Variants in AK8 observed in about 807,000 individuals in gnomAD.
AK8 encodes the protein ATP-AMP transphosphorylase 8.
A neutral mutation model predicts 54.6 loss-of-function variants in AK8; 44 were observed. The ratio of observed to expected loss-of-function variants is 0.81; its 90% CI spans 0.63 to 1.04. AK8 has a LOEUF of 1.04. Ranked by LOEUF, AK8 falls within the 50% of genes least tolerant of loss-of-function variation. AK8 has a pLI of 0.00. For missense variants in AK8, 555 were observed against 613.6 expected (o/e 0.90, Z 1.01); for synonymous variants, 239 against 245.6 (o/e 0.97, Z 0.25).
At chr9:132,865,412 C>T (rs1007335474) in intron 3 of AK8, among the ~76,000 whole-genome samples, 3 of 152,212 alleles carry the variant, frequency 2.0e-5, no homozygotes, top group African/African-American at 7.2e-5. Flanking sequence ...TACATGCTCA[C>T]AGCAATGATG....
intron 4 of AK8, among the ~76,000 whole-genome samples, chr9:132,863,176 G>T (rs1344686293): frequency 6.6e-6 from 1 of 152,272 alleles, no homozygotes; most frequent in Admixed American, 6.5e-5. Flanking sequence ...CAGAGGGTGG[G>T]CTGTGCAGCA....
chr9:132,778,005 G>A (rs1839301575), intron 11 of AK8, among the ~76,000 whole-genome samples: 1 of 152,226 alleles, frequency 6.6e-6, no homozygotes. Context: ...AGCGCAGCAG[G>A]CCTTTGCTGC....
chr9:132,806,464 C>G lies in AK8; in HGVS notation c.979+8174G>C, dbSNP rs149136504. On this transcript the variant is annotated intron_variant, in intron 10 of 12. Coordinates refer to ENST00000298545, the MANE Select transcript of AK8 (RefSeq NM_152572.3). Reference sequence around the variant, plus strand: ...GCTGTCTTCAGCGAGTACAAACACACCGCATGCAAAGGCTTGCTGGAAACG... The same window carrying G: ...GCTGTCTTCAGCGAGTACAAACACAGCGCATGCAAAGGCTTGCTGGAAACG... 2.6e-5 allele frequency among the ~76,000 whole-genome samples: 4 copies of G among 152,290 alleles called. No homozygotes were observed. In the East Asian group the frequency reaches 5.8e-4, roughly 22 times the overall value.
At chr9:132,853,611 T>C (rs1188234407) in intron 5 of AK8, among the ~76,000 whole-genome samples, 4 of 150,234 alleles carry the variant, frequency 2.7e-5, no homozygotes, top group Non-Finnish European at 4.4e-5. Flanking sequence ...GCCTGAGAAA[T>C]AGAGGGAGAT....
At chr9:132,757,240 G>A (rs1182401443) in intron 11 of AK8, among the ~76,000 whole-genome samples, 3 of 152,166 alleles carry the variant, frequency 2.0e-5, no homozygotes, top group East Asian at 3.9e-4. Flanking sequence ...ACAGCTCACC[G>A]GGATGGTCAG....
At chr9:132,729,885 A>C (rs1836754616) in intron 11 of AK8, among the ~76,000 whole-genome samples, 1 of 152,232 alleles carries the variant, frequency 6.6e-6, no homozygotes, top group African/African-American at 2.4e-5. Flanking sequence ...CTACGTGCGG[A>C]GAAAACACAC....
At chr9:132,778,908 TC>T (rs1289692090) in intron 11 of AK8, among the ~76,000 whole-genome samples, 6 of 151,080 alleles carry the variant, frequency 4.0e-5, no homozygotes, top group South Asian at 4.2e-4. Context: ...CTCGATGGGG[TC>T]CTGAACAAAA....
chr9:132,828,135 C>A, intron 6 of AK8, 51 bp from the exon 7 acceptor site: 1 of 1,508,558 alleles, frequency 6.6e-7, no homozygotes, highest in South Asian at 1.2e-5. Context: ...CAGCGGGTGC[C>A]ACACATTTGA....
At chr9:132,814,278 C>CAAAAAAAAAA (rs71376658) in intron 10 of AK8, among the ~76,000 whole-genome samples, 2 of 63,890 alleles carry the variant, frequency 3.1e-5, no homozygotes, top group Non-Finnish European at 2.9e-5. Context: ...TACCCTGTCT[C>CAAAAAAAAAA]AAAAAAAAAA....
intron 5 of AK8, among the ~76,000 whole-genome samples, chr9:132,847,328 C>T (rs1189604096): frequency 1.3e-5 from 2 of 152,206 alleles, no homozygotes; most frequent in African/African-American, 2.4e-5. Context: ...CCATCTCCAC[C>T]GGGCCTTTCG....
intron 10 of AK8, among the ~76,000 whole-genome samples, chr9:132,810,772 T>C (rs1840967480): frequency 6.6e-6 from 1 of 152,164 alleles, no homozygotes; most frequent in Non-Finnish European, 1.5e-5. Flanking sequence ...CCACGATGCC[T>C]GAGAACTAAA....
At chr9:132,843,631 G>C (rs910474325) in intron 5 of AK8, among the ~76,000 whole-genome samples, 2 of 152,146 alleles carry the variant, frequency 1.3e-5, no homozygotes, top group African/African-American at 4.8e-5. Flanking sequence ...AAGCTGAACC[G>C]CAGGCAGGCC....
chr9:132,761,269 CT>C lies in AK8; in HGVS notation c.1121+31364del, dbSNP rs534596980. ...TTTCTTTTTTCTTTTCTTTTCTTTT[CT>C]TTTTTTTTTTTTTTGAGACAGGGTC... On this transcript the variant is annotated intron_variant, in intron 11 of 12. Coordinates refer to ENST00000298545, the MANE Select transcript of AK8 (RefSeq NM_152572.3). Among the ~76,000 whole-genome samples, 513 of 125,552 alleles carry C rather than the reference CT, an allele frequency of 4.1e-3. 7 individuals carry two copies. The highest frequency in any genetic ancestry group is 0.022 in the Admixed American group (262 of 12,144). The allele number at this position is 125,552 out of a possible 152,430, so 82.4% of individuals were successfully genotyped here.
intron 5 of AK8, among the ~76,000 whole-genome samples, chr9:132,848,343 A>G (rs1305127468): frequency 6.6e-6 from 1 of 152,056 alleles, no homozygotes; most frequent in African/African-American, 2.4e-5. Flanking sequence ...CTGCCAAAAG[A>G]TTGTTTGGCA....
Position 132,878,236 on chromosome 9 carries a change from G to A in AK8, c.20C>T (p.Pro7Leu), listed in dbSNP as rs750888140. 2.7e-5 allele frequency: 38 copies of A among 1,426,534 alleles called. No individual in the cohort carries two copies. The highest frequency in any genetic ancestry group is 3.5e-5 in the Non-Finnish European group (38 of 1,084,328). 88.4% of individuals were successfully genotyped at this position (1,426,534 alleles called of 1,614,324 possible). Reference protein sequence around the residue: MDATIAPHRIPPEMPQY... With the variant: MDATIALHRIPPEMPQY... ...GGGCATCTCGGGGGGGATACGGTGCGGGGCGATAGTGGCGTCCATGTAGCC... is the reference window on the plus strand; with the variant it reads ...GGGCATCTCGGGGGGGATACGGTGCAGGGCGATAGTGGCGTCCATGTAGCC... Residue 7 changes from proline to leucine, a missense_variant, in exon 1 of 13, where the codon CCG (proline) becomes CTG (leucine). Transcript: ENST00000298545. This position sits in a 1 kb window ranked among gnomAD's most constrained non-coding sequence, Gnocchi z 4.7.
At chr9:132,874,653 G>A (rs986805411) in intron 2 of AK8, among the ~76,000 whole-genome samples, 20 of 152,184 alleles carry the variant, frequency 1.3e-4, no homozygotes, top group Non-Finnish European at 1.5e-5. Flanking sequence ...TGGGGAGCTC[G>A]GAAACTCATT....
chr9:132,791,156 C>T lies in AK8; in HGVS notation c.1121+1478G>A, dbSNP rs1839931873. Among the ~76,000 whole-genome samples, 1 of 152,056 alleles carries T rather than the reference C, an allele frequency of 6.6e-6. No homozygotes were observed. The highest frequency in any genetic ancestry group is 2.1e-4 in the South Asian group (1 of 4,812). The stretch of plus-strand genomic sequence containing the variant: ...TCACAGTTCCACATGGCTGGGGAGG[C>T]CTCAGGAAACTTACAGTCATGGCAA... On this transcript the variant is annotated intron_variant, in intron 11 of 12. Coordinates refer to ENST00000298545, the MANE Select transcript of AK8 (RefSeq NM_152572.3). The surrounding 1 kb of genome is among the most constrained non-coding windows in gnomAD (Gnocchi z 4.0).
Position 132,773,069 on chromosome 9 carries a change from G to A in AK8, c.1121+19565C>T, listed in dbSNP as rs534577919. Reference sequence around the variant, plus strand: ...CACAGTGGCTCCCACATCACTCCAAGGAAAAGCCGAATTCCTTCAAGGTCT... The same window carrying A: ...CACAGTGGCTCCCACATCACTCCAAAGAAAAGCCGAATTCCTTCAAGGTCT... On this transcript the variant is annotated intron_variant, in intron 11 of 12. Transcript: ENST00000298545. Among the ~76,000 whole-genome samples, 4 of 152,276 alleles carry A rather than the reference G, an allele frequency of 2.6e-5. No homozygotes were observed. In the East Asian group the frequency reaches 5.8e-4, roughly 22 times the overall value.
At chr9:132,849,025 C>A (rs1842868774) in intron 5 of AK8, among the ~76,000 whole-genome samples, 1 of 151,336 alleles carries the variant, frequency 6.6e-6, no homozygotes. Context: ...TCTCCTACCT[C>A]AGCCTCCTGA....
Sources: allele counts gnomAD v4.1 joint callset (sites outside exome capture counted in the v4.1 genomes callset), GRCh38; gene constraint gnomAD v4.1.1; non-coding constraint Gnocchi (gnomAD v3.1); transcripts MANE v1.5; gene names NCBI Gene and HGNC (gene_info 2026-07-23, HGNC 2026-07-21).